The following NHSL2 variants were observed in gnomAD, a reference collection of about 807,000 sequenced individuals.
NHSL2 encodes NHS like 2.
Under a neutral mutation model 53.4 loss-of-function variants are expected in NHSL2, and 27 were observed. That is an observed-to-expected ratio of 0.51 (90% CI 0.37 to 0.70). The LOEUF is 0.70. NHSL2 is among the 30% of genes least tolerant of loss of function. The pLI, the probability that NHSL2 is intolerant of heterozygous loss-of-function variation, is 0.00. For missense variants in NHSL2, 892 were observed against 980.1 expected, an observed-to-expected ratio of 0.91 and a Z score of 1.20; for synonymous variants, 408 against 404.1, an observed-to-expected ratio of 1.01 and a Z score of -0.12.
chrX:71,978,878 A>G (rs1428699783), intron 1 of NHSL2, among the ~76,000 whole-genome samples: 9 of 105,907 alleles, frequency 8.5e-5, no homozygotes, highest in African/African-American at 3.1e-4. Context: ...CGTCACTTAC[A>G]TTAGGTATAT....
At chrX:72,039,119 T>TTCCTTTCCTTTCCTC (rs2042258598) in intron 1 of NHSL2, among the ~76,000 whole-genome samples, 1 of 99,882 alleles carries the variant, frequency 1.0e-5, no homozygotes, top group South Asian at 4.8e-4. Flanking sequence ...TTCCTTTCCT[T>TTCCTTTCCTTTCCTC]TCCTTTCCTT....
intron 1 of NHSL2, among the ~76,000 whole-genome samples, chrX:72,094,144 T>A (rs1328768688): frequency 9.0e-6 from 1 of 111,547 alleles, no homozygotes; most frequent in African/African-American, 3.3e-5. Flanking sequence ...TTACTTTAAA[T>A]AAGTACCAGA....
intron 1 of NHSL2, among the ~76,000 whole-genome samples, chrX:72,038,787 G>A (rs868426489): frequency 1.8e-5 from 2 of 111,628 alleles, no homozygotes; most frequent in African/African-American, 6.5e-5. Context: ...AGAAATGTGT[G>A]AATAAAGATA....
intron 2 of NHSL2, 77 bp downstream of exon 2, chrX:72,132,311 G>GAGGAC (rs1569483225): frequency 3.3e-6 from 3 of 909,456 alleles, no homozygotes; most frequent in Non-Finnish European, 4.5e-6. Context: ...AAAGAAGAAA[G>GAGGAC]AGGACAGGGA....
At chrX:71,966,901 C>T (rs929589010) in intron 1 of NHSL2, among the ~76,000 whole-genome samples, 3 of 111,756 alleles carry the variant, frequency 2.7e-5, no homozygotes, top group Non-Finnish European at 3.8e-5. Context: ...CAGATTTCAC[C>T]AGTGAACCCA....
chrX:72,000,723 C>G (rs1432858569), intron 1 of NHSL2, among the ~76,000 whole-genome samples: 1 of 111,826 alleles, frequency 8.9e-6, no homozygotes. Flanking sequence ...ATCTCCTTCT[C>G]TGACTCTGAC....
Position 72,003,513 on chromosome X carries a change from C to G in NHSL2, c.280+92146C>G, listed in dbSNP as rs1005970733. Among the ~76,000 whole-genome samples, 4 of 111,667 alleles carry G rather than the reference C, an allele frequency of 3.6e-5. No homozygotes were observed. The Admixed American group carries it at 3.8e-4, about 11-fold the overall frequency. ...CTAAACCACCTAGAACTGGGTTCAA[C>G]TCTCTCCTCTATTCCTACAAGTATG... is the stretch of plus-strand genomic sequence containing the variant. On this transcript the variant is annotated intron_variant, in intron 1 of 7. Transcript: ENST00000633930.
intron 1 of NHSL2, among the ~76,000 whole-genome samples, chrX:72,066,209 T>C (rs1158151780): frequency 9.0e-6 from 1 of 111,072 alleles, no homozygotes; most frequent in East Asian, 2.8e-4. Context: ...AGTGCTCCAA[T>C]TTGAGACAGT....
rs748334698 is a variant in NHSL2, at chrX:71,946,074, A to T, written c.280+34707A>T. On this transcript the variant is annotated intron_variant, in intron 1 of 7. Transcript: ENST00000633930. ...CGGCTCATTGTCTTCAGCAACTTGT[A>T]CCCATAAGGGTGGGTGTGACAGATA... 1.4e-4 allele frequency among the ~76,000 whole-genome samples: 16 copies of T among 112,120 alleles called. No homozygotes were observed. In the Admixed American group the frequency reaches 1.5e-3, roughly 11 times the overall value.
At chrX:71,913,713 G>T (rs2041614990) in intron 1 of NHSL2, among the ~76,000 whole-genome samples, 1 of 112,354 alleles carries the variant, frequency 8.9e-6, no homozygotes. Context: ...AATGACAGCT[G>T]ACAGGCCAGC....
At position 72,149,635 on chromosome X, in the gene NHSL2, T is replaced by C. The variant is rs1406742439; in HGVS notation, c.*6061T>C. ...GTATGTGCTGAGGTCTTCTGATGAA[T>C]TGTAAATTACAAACCTTTTCATTCA... On this transcript the variant is annotated 3_prime_UTR_variant, in exon 8 of 8. Coordinates refer to ENST00000633930, the MANE Select transcript of NHSL2 (RefSeq NM_001013627.3). The C allele has an allele frequency of 1.8e-5, 2 of 112,523 alleles. No individual in the cohort carries two copies. The highest frequency in any genetic ancestry group is 3.2e-5 in the African/African-American group (1 of 30,973). 9.3% of individuals were successfully genotyped at this position (112,523 alleles called of 1,213,427 possible). A position where few individuals can be genotyped will look rare whatever the true frequency, so the allele number is the denominator to read the frequency against.
chrX:72,121,291 C>T (rs930701126), intron 1 of NHSL2, among the ~76,000 whole-genome samples: 1 of 111,871 alleles, frequency 8.9e-6, no homozygotes, highest in African/African-American at 3.3e-5. Context: ...CCTCTGCAAG[C>T]CCTAAGCCTG....
chrX:72,137,643 G>A (rs1002079889), intron 5 of NHSL2, among the ~76,000 whole-genome samples: 1 of 111,352 alleles, frequency 9.0e-6, no homozygotes, highest in African/African-American at 3.3e-5. Context: ...CTAACCAGGA[G>A]ACCTTGGCCA....
chrX:72,034,537 A>C (rs755998097), intron 1 of NHSL2, among the ~76,000 whole-genome samples: 38 of 111,962 alleles, frequency 3.4e-4, no homozygotes, highest in Non-Finnish European at 5.8e-4. Flanking sequence ...AGAATTCTCC[A>C]GTGAAAGCAC....
rs757411162 is a variant in NHSL2, at chrX:72,131,100, C to T, written c.281-979C>T. ...AGGGCTCTATCTCAGGCCGCTCCAG[C>T]GGTGCCAGAGGGGGTTGCGGGGGCG... On this transcript the variant is annotated intron_variant, in intron 1 of 7. Transcript: ENST00000633930. The T allele has an allele frequency of 5.0e-6, 6 of 1,206,822 alleles. No individual in the cohort carries two copies. In the Admixed American group the frequency reaches 1.3e-4, roughly 26 times the overall value.
intron 1 of NHSL2, among the ~76,000 whole-genome samples, chrX:71,980,801 G>C (rs1462103410): frequency 2.7e-5 from 3 of 111,355 alleles, no homozygotes; most frequent in Non-Finnish European, 5.6e-5. Context: ...AGCTATAAAA[G>C]GAGGATAGTA....
intron 1 of NHSL2, among the ~76,000 whole-genome samples, chrX:71,928,819 A>T (rs773073990): frequency 1.8e-5 from 2 of 111,528 alleles, no homozygotes; most frequent in Non-Finnish European, 3.8e-5. Context: ...GGAGAAATGA[A>T]AGACTTAGCC....
In NHSL2 at chrX:72,130,238, C is replaced by T. The variant is rs745609510; in HGVS notation, c.281-1841C>T. 16 of 1,210,300 alleles carry T rather than the reference C, an allele frequency of 1.3e-5. 1 individual carries two copies. In the South Asian group the frequency reaches 2.8e-4, roughly 21 times the overall value. On this transcript the variant is annotated intron_variant, in intron 1 of 7. Coordinates refer to ENST00000633930, the MANE Select transcript of NHSL2 (RefSeq NM_001013627.3). ...CCTGGATCCTGCTGTGGCTCTCCTTCTGGTTTCTGGCCCCCATCCTCATCT... is the reference window on the plus strand; with the variant it reads ...CCTGGATCCTGCTGTGGCTCTCCTTTTGGTTTCTGGCCCCCATCCTCATCT...
intron 1 of NHSL2, among the ~76,000 whole-genome samples, chrX:71,919,259 C>T (rs950462048): frequency 1.8e-5 from 2 of 112,119 alleles, no homozygotes; most frequent in East Asian, 5.6e-4. Context: ...ACTTGCCCAG[C>T]ACCTACTATC....
Sources: gnomAD v4.1 joint callset for allele counts (sites outside exome capture counted in the v4.1 genomes callset) on GRCh38, gnomAD v4.1.1 for gene constraint, MANE v1.5 for transcripts, NCBI Gene and HGNC (gene_info 2026-07-23, HGNC 2026-07-21) for gene names.